The following EPB41L2 variants were observed in gnomAD, a reference collection of about 807,000 sequenced individuals.
The protein encoded by EPB41L2 is erythrocyte membrane protein band 4.1 like 2, also known as band 4.1-like protein 2.
In EPB41L2, 43 loss-of-function variants were observed where a neutral mutation model predicts 113.0. The observed-to-expected ratio is 0.38, with a 90% CI of 0.30 to 0.49. The LOEUF (loss-of-function observed/expected upper bound fraction) is 0.49, where lower values mean the gene tolerates loss of function less well. EPB41L2 is among the 20% of genes least tolerant of loss of function. The pLI, the probability that EPB41L2 is intolerant of heterozygous loss-of-function variation, is 0.95. For synonymous variants in EPB41L2, 442 were observed against 436.7 expected (o/e 1.01, Z -0.15); for missense variants, 1,147 against 1,223.4 (o/e 0.94, Z 0.93).
rs149659560 is a variant in EPB41L2 at position 130,956,369 on chromosome 6, G to A, written c.117C>T (p.Ser39=). Residue 39 remains serine (S), a synonymous_variant, in exon 2 of 20, where the codon TCC becomes TCT. Coordinates refer to ENST00000337057, the MANE Select transcript of EPB41L2 (RefSeq NM_001431.4). ...GGGAACCTTTTTCCTCCTCTGGATC[G>A]GAAGACTGATTCTGCTGATTTTCTG... ...EVAENQQNQS[S]DPEEEKGSQP... 5.9e-5 allele frequency: 96 copies of A among 1,614,042 alleles called. No homozygotes were observed. Among genetic ancestry groups the A allele is most frequent in the Non-Finnish European group, 7.5e-5 (89 of 1,180,004 alleles).
intron 3 of EPB41L2, among the ~76,000 whole-genome samples, chr6:130,942,466 G>A (rs1811190572): frequency 6.6e-6 from 1 of 152,192 alleles, no homozygotes; most frequent in Non-Finnish European, 1.5e-5. Context: ...AAACAGTAAT[G>A]ATGACAGAAT....
chr6:130,891,855 G>A (rs904996086), intron 10 of EPB41L2, among the ~76,000 whole-genome samples: 4 of 152,138 alleles, frequency 2.6e-5, no homozygotes, highest in Admixed American at 6.5e-5. Context: ...GCAAGCCACC[G>A]TAATTTTCTA....
Position 130,887,189 on chromosome 6 carries a change from T to C in EPB41L2, c.1661-1921A>G, listed in dbSNP as rs145110168. ...GACTTTGCATACTTTTAAACACTTA[T>C]TAATTTCAGCATGCAGTTTCTTGTA... On this transcript the variant is annotated intron_variant, in intron 11 of 19. Transcript: ENST00000337057. Among the ~76,000 whole-genome samples, 281 of 152,344 alleles carry C rather than the reference T, an allele frequency of 1.8e-3. 2 individuals carry two copies. The highest frequency in any genetic ancestry group is 6.5e-3 in the African/African-American group (271 of 41,586).
At chr6:130,865,690 A>G in intron 16 of EPB41L2, 56 bp from the exon 17 acceptor site, 1 of 1,560,622 alleles carries the variant, frequency 6.4e-7, no homozygotes, top group Non-Finnish European at 8.8e-7. Flanking sequence ...TTATGTTGTC[A>G]GAGAAGATCC....
chr6:131,041,566 T>C (rs1306947780), intron 1 of EPB41L2, among the ~76,000 whole-genome samples: 2 of 152,118 alleles, frequency 1.3e-5, no homozygotes, highest in African/African-American at 4.8e-5. Context: ...ATCTTGAATC[T>C]GAGTAAGCCC....
intron 3 of EPB41L2, among the ~76,000 whole-genome samples, chr6:130,948,270 A>G (rs1257395253): frequency 6.6e-6 from 1 of 152,148 alleles, no homozygotes; most frequent in Non-Finnish European, 1.5e-5. Context: ...TACTATCTCA[A>G]CTCTGCTTCA....
chr6:130,876,847 A>G, intron 14 of EPB41L2: 2 of 962,960 alleles, frequency 2.1e-6, no homozygotes, highest in Admixed American at 4.9e-5. Context: ...CACAAACACA[A>G]AATACTGACC....
At chr6:130,846,796 A>ACAG in intron 19 of EPB41L2, among the ~76,000 whole-genome samples, 1 of 152,308 alleles carries the variant, frequency 6.6e-6, no homozygotes. Flanking sequence ...TTTACTTCAA[A>ACAG]TAGTAATAAA....
intron 19 of EPB41L2, among the ~76,000 whole-genome samples, chr6:130,850,035 C>T (rs1056346205): frequency 6.6e-6 from 1 of 152,150 alleles, no homozygotes; most frequent in East Asian, 1.9e-4. Flanking sequence ...GTCAGGAGTT[C>T]GAGACCAGCC....
intron 3 of EPB41L2, among the ~76,000 whole-genome samples, chr6:130,949,822 A>G (rs1228733636): frequency 6.6e-6 from 1 of 151,962 alleles, no homozygotes; most frequent in East Asian, 1.9e-4. Context: ...GGCAATATGA[A>G]GACAATTAGA....
Position 130,869,877 on chromosome 6 carries a change from C to T in EPB41L2, c.2293G>A (p.Gly765Ser). 5 of 1,613,096 alleles carry T rather than the reference C, an allele frequency of 3.1e-6. No individual in the cohort carries two copies. Among genetic ancestry groups the T allele is most frequent in the Non-Finnish European group, 4.2e-6 (5 of 1,179,992 alleles). Residue 765 changes from glycine to serine, a missense_variant, in exon 15 of 20, where the codon GGC (glycine) becomes AGC (serine). Transcript: ENST00000337057. ...TACTCCTGTTCCTCCCTGATGGTGCCCTCGGTCACTCGGTGGTGGGGACGG... is the reference window on the plus strand; with the variant it reads ...TACTCCTGTTCCTCCCTGATGGTGCTCTCGGTCACTCGGTGGTGGGGACGG... ...EYRPHHRVTE[G>S]TIREEQEYEE...
chr6:131,060,309 A>G (rs1798404737), intron 1 of EPB41L2, among the ~76,000 whole-genome samples: 1 of 152,246 alleles, frequency 6.6e-6, no homozygotes, highest in South Asian at 2.1e-4. Flanking sequence ...CAGCCACAGT[A>G]ATATGAGAGG....
intron 5 of EPB41L2, among the ~76,000 whole-genome samples, chr6:130,908,430 G>A (rs746000143): frequency 4.0e-4 from 61 of 152,278 alleles, no homozygotes; most frequent in Middle Eastern, 3.4e-3. Context: ...TGTCTCTGTG[G>A]CCAAAGATGT....
chr6:130,924,983 G>A (rs978042589), intron 4 of EPB41L2, among the ~76,000 whole-genome samples: 2 of 152,116 alleles, frequency 1.3e-5, no homozygotes, highest in East Asian at 1.9e-4. Context: ...TGTACTAAAT[G>A]TGTAGATGAC....
chr6:131,055,035 AAC>A (rs1399943837), intron 1 of EPB41L2, among the ~76,000 whole-genome samples: 1 of 152,198 alleles, frequency 6.6e-6, no homozygotes, highest in African/African-American at 2.4e-5. Flanking sequence ...ATTTATGAAA[AAC>A]AGTTTGCTGC....
At chr6:130,885,557 T>C (rs1260706183) in intron 11 of EPB41L2, among the ~76,000 whole-genome samples, 1 of 152,202 alleles carries the variant, frequency 6.6e-6, no homozygotes, top group Non-Finnish European at 1.5e-5. Flanking sequence ...GGAGGAGCTC[T>C]AAGACCAGCT....
chr6:130,892,044 A>G (rs1793057635), intron 10 of EPB41L2, among the ~76,000 whole-genome samples: 1 of 152,186 alleles, frequency 6.6e-6, no homozygotes, highest in African/African-American at 2.4e-5. Context: ...GTTAACCATT[A>G]TATCAAAAGT....
chr6:130,876,098 T>G (rs752882523), intron 14 of EPB41L2, among the ~76,000 whole-genome samples: 24 of 152,020 alleles, frequency 1.6e-4, no homozygotes, highest in Non-Finnish European at 2.9e-4. Context: ...ACTGACCACC[T>G]GGCTAAGTAA....
chr6:130,989,513 T>C (rs575188349), intron 1 of EPB41L2, among the ~76,000 whole-genome samples: 1 of 152,162 alleles, frequency 6.6e-6, no homozygotes, highest in East Asian at 1.9e-4. Context: ...AGAGTTGATA[T>C]TTGGTGGGAG....
Sources: gnomAD v4.1 joint callset for allele counts (sites outside exome capture counted in the v4.1 genomes callset) on GRCh38, gnomAD v4.1.1 for gene constraint, MANE v1.5 for transcripts, NCBI Gene and HGNC (gene_info 2026-07-23, HGNC 2026-07-21) for gene names.